Variants in RAD51B observed in about 807,000 individuals in gnomAD.
RAD51B encodes the protein RAD51 paralog B, also known as DNA repair protein RAD51 homolog 2.
Under a neutral mutation model 42.2 loss-of-function variants are expected in RAD51B, and 38 were observed. That is an observed-to-expected ratio of 0.90 (90% CI 0.70 to 1.18). The LOEUF is 1.18. Among genes scored for constraint, RAD51B ranks in the 50% most tolerant of loss-of-function variants. The pLI, the probability that RAD51B is intolerant of heterozygous loss-of-function variation, is 0.00. For missense variants in RAD51B, 373 were observed against 400.7 expected, an observed-to-expected ratio of 0.93 and a Z score of 0.59; for synonymous variants, 154 against 145.2, an observed-to-expected ratio of 1.06 and a Z score of -0.43.
intron 7 of RAD51B, among the ~76,000 whole-genome samples, chr14:68,272,277 A>T (rs1237554495): frequency 2.0e-5 from 3 of 152,010 alleles, no homozygotes; most frequent in African/African-American, 7.3e-5. Context: ...ATAGTAAAAG[A>T]CAAGAGATGC....
chr14:67,825,832 C>A (rs751670332), intron 3 of RAD51B, among the ~76,000 whole-genome samples: 10 of 152,020 alleles, frequency 6.6e-5, no homozygotes, highest in Non-Finnish European at 1.2e-4. Flanking sequence ...TGGGTTCAAG[C>A]GATTCTCCTG....
intron 7 of RAD51B, among the ~76,000 whole-genome samples, chr14:68,165,811 G>A (rs1443184099): frequency 6.6e-6 from 1 of 152,026 alleles, no homozygotes; most frequent in African/African-American, 2.4e-5. Flanking sequence ...CTTTATACTC[G>A]AAGTTGCAAG....
chr14:67,902,410 CTG>C (rs1237495273), intron 7 of RAD51B, among the ~76,000 whole-genome samples: 1 of 152,110 alleles, frequency 6.6e-6, no homozygotes, highest in African/African-American at 2.4e-5. Flanking sequence ...GATTTAGTGA[CTG>C]TTTTTATCCT....
intron 7 of RAD51B, among the ~76,000 whole-genome samples, chr14:68,100,735 G>C (rs1455104288): frequency 6.6e-6 from 1 of 152,102 alleles, no homozygotes; most frequent in African/African-American, 2.4e-5. Flanking sequence ...GATATATGGA[G>C]CCTTAGAGAT....
intron 8 of RAD51B, among the ~76,000 whole-genome samples, chr14:68,389,808 C>G (rs2140010866): frequency 6.6e-6 from 1 of 152,326 alleles, no homozygotes; most frequent in East Asian, 1.9e-4. Flanking sequence ...TTCCAAAAGA[C>G]TTCCAAATAA....
At chr14:68,154,528 T>G (rs2078459107) in intron 7 of RAD51B, among the ~76,000 whole-genome samples, 1 of 152,214 alleles carries the variant, frequency 6.6e-6, no homozygotes, top group African/African-American at 2.4e-5. Flanking sequence ...TGAGGGAGAC[T>G]CTCTAAGATC....
chr14:68,249,460 C>T (rs1257254064), intron 7 of RAD51B, among the ~76,000 whole-genome samples: 3 of 152,128 alleles, frequency 2.0e-5, no homozygotes, highest in Admixed American at 6.5e-5. Flanking sequence ...ATTACAAAAG[C>T]GTTCTTTGTA....
intron 9 of RAD51B, among the ~76,000 whole-genome samples, chr14:68,466,452 C>T (rs1367468313): frequency 3.9e-5 from 6 of 152,202 alleles, no homozygotes; most frequent in African/African-American, 1.4e-4. Flanking sequence ...ATTCAGGCTG[C>T]ACTGTAGCAT....
At chr14:68,015,054 A>G (rs2075754869) in intron 7 of RAD51B, among the ~76,000 whole-genome samples, 1 of 152,106 alleles carries the variant, frequency 6.6e-6, no homozygotes, top group Non-Finnish European at 1.5e-5. Context: ...CATCTGTGCA[A>G]TCTTGGTCCA....
At chr14:68,426,003 CCTTCCTTT>C (rs1307342500) in intron 9 of RAD51B, among the ~76,000 whole-genome samples, 33 of 130,076 alleles carry the variant, frequency 2.5e-4, no homozygotes, top group African/African-American at 9.5e-4. Context: ...TTCCTTCCTT[CCTTCCTTT>C]CTTTCTTTCT....
chr14:68,235,703 CAAA>C (rs57180468), intron 7 of RAD51B, among the ~76,000 whole-genome samples: 1 of 14,042 alleles, frequency 7.1e-5, no homozygotes. Flanking sequence ...GACTCCGTCT[CAAA>C]AAAAAAAAAA....
At chr14:68,330,511 C>G (rs1325710681) in intron 8 of RAD51B, among the ~76,000 whole-genome samples, 1 of 152,022 alleles carries the variant, frequency 6.6e-6, no homozygotes, top group Non-Finnish European at 1.5e-5. Flanking sequence ...CTATGATTAC[C>G]AGATTGAGGA....
intron 9 of RAD51B, among the ~76,000 whole-genome samples, chr14:68,424,427 A>AGGG (rs1275336892): frequency 6.6e-6 from 1 of 152,160 alleles, no homozygotes; most frequent in Non-Finnish European, 1.5e-5. Flanking sequence ...TTTATAATAA[A>AGGG]AAGATTTGGT....
At chr14:68,044,149 T>TCTCA (rs2076261657) in intron 7 of RAD51B, among the ~76,000 whole-genome samples, 1 of 152,204 alleles carries the variant, frequency 6.6e-6, no homozygotes, top group Admixed American at 6.5e-5. Context: ...CTCACTGTCT[T>TCTCA]CTTGAGAAAA....
At chr14:68,159,282 A>C (rs1054908558) in intron 7 of RAD51B, among the ~76,000 whole-genome samples, 35 of 152,218 alleles carry the variant, frequency 2.3e-4, no homozygotes, top group African/African-American at 7.9e-4. Flanking sequence ...AAATTTAAAA[A>C]ATTGATTAAA....
intron 7 of RAD51B, among the ~76,000 whole-genome samples, chr14:68,126,930 C>A (rs574720834): frequency 6.6e-6 from 1 of 152,224 alleles, no homozygotes; most frequent in African/African-American, 2.4e-5. Flanking sequence ...TCTAAAAGCA[C>A]CTCTTCAGAA....
chr14:68,410,057 C>T (rs1240847129), intron 8 of RAD51B, among the ~76,000 whole-genome samples: 6 of 152,142 alleles, frequency 3.9e-5, no homozygotes. Flanking sequence ...GGGTTCTCAA[C>T]TTCAGCACTG....
intron 7 of RAD51B, among the ~76,000 whole-genome samples, chr14:68,163,790 T>G (rs2078695097): frequency 6.6e-6 from 1 of 152,208 alleles, no homozygotes; most frequent in Non-Finnish European, 1.5e-5. Flanking sequence ...TAGAATTCAA[T>G]TTGCAGTTTC....
chr14:67,935,352 A>G (rs2044898273), intron 7 of RAD51B, among the ~76,000 whole-genome samples: 1 of 152,224 alleles, frequency 6.6e-6, no homozygotes, highest in South Asian at 2.1e-4. Flanking sequence ...TGCCAATTCT[A>G]CAAATACAAC....
Sources: allele counts gnomAD v4.1 joint callset (sites outside exome capture counted in the v4.1 genomes callset), GRCh38; gene constraint gnomAD v4.1.1; transcripts MANE v1.5; gene names NCBI Gene and HGNC (gene_info 2026-07-23, HGNC 2026-07-21).